Variants in MCTP1 observed in about 807,000 individuals in gnomAD.
The protein encoded by MCTP1 is multiple C2 and transmembrane domain containing 1, also known as multiple C2 and transmembrane domain-containing protein 1.
A neutral mutation model predicts 120.6 loss-of-function variants in MCTP1; 69 were observed. The ratio of observed to expected loss-of-function variants is 0.57; its 90% CI spans 0.47 to 0.70. MCTP1 has a LOEUF of 0.70. Ranked by LOEUF, MCTP1 falls within the 30% of genes least tolerant of loss-of-function variation. MCTP1 has a pLI of 0.00. For synonymous variants in MCTP1, 529 were observed against 493.1 expected (o/e 1.07, Z -0.96); for missense variants, 1,203 against 1,248.8 (o/e 0.96, Z 0.55).
At chr5:95,207,938 A>AGAGAGAGAGAGGGAGAGAGAGG in intron 1 of MCTP1, among the ~76,000 whole-genome samples, 1 of 134,540 alleles carries the variant, frequency 7.4e-6, no homozygotes, top group Admixed American at 8.1e-5. Flanking sequence ...CGAGAGAGAG[A>AGAGAGAGAGAGGGAGAGAGAGG]GAGAGAGAGG....
At position 95,120,902 on chromosome 5, in the gene MCTP1, T is replaced by A. The variant is rs188011652; in HGVS notation, c.721-103418A>T. 1.5e-3 allele frequency among the ~76,000 whole-genome samples: 234 copies of A among 152,302 alleles called. 2 individuals are homozygous for A. The highest frequency in any genetic ancestry group is 5.4e-3 in the African/African-American group (223 of 41,566). On this transcript the variant is annotated intron_variant, in intron 1 of 22. Coordinates refer to ENST00000515393, the MANE Select transcript of MCTP1 (RefSeq NM_024717.7). ...AAGGAAGAAGTCAAATTATCCCTGT[T>A]TGCAGATGATATGATCTTAAATTTG... is the stretch of plus-strand genomic sequence containing the variant.
chr5:94,811,069 C>T (rs1783314829), intron 17 of MCTP1, among the ~76,000 whole-genome samples: 1 of 152,148 alleles, frequency 6.6e-6, no homozygotes, highest in Non-Finnish European at 1.5e-5. Flanking sequence ...TCCCCCAATC[C>T]CTCTGTTCTG....
At chr5:94,826,277 G>T in intron 17 of MCTP1, 1 of 461,174 alleles carries the variant, frequency 2.2e-6, no homozygotes, top group South Asian at 2.3e-5. Context: ...GAACCCCCAT[G>T]CAATATATGG....
At chr5:94,732,783 C>A (rs761140686) in intron 19 of MCTP1, among the ~76,000 whole-genome samples, 7 of 152,180 alleles carry the variant, frequency 4.6e-5, no homozygotes, top group Non-Finnish European at 1.0e-4. Flanking sequence ...AACAGGCTCT[C>A]ACCACACACT....
chr5:95,058,825 C>T (rs1044673093), intron 1 of MCTP1, among the ~76,000 whole-genome samples: 1 of 151,996 alleles, frequency 6.6e-6, no homozygotes, highest in Non-Finnish European at 1.5e-5. Flanking sequence ...ACAAAAAGAG[C>T]GATGATATGC....
intron 19 of MCTP1, among the ~76,000 whole-genome samples, chr5:94,718,730 T>C (rs544339206): frequency 6.6e-6 from 1 of 152,094 alleles, no homozygotes; most frequent in South Asian, 2.1e-4. Context: ...TTATTATTAT[T>C]TTTTTTGACA....
chr5:95,089,169 T>C (rs1755666489), intron 1 of MCTP1, among the ~76,000 whole-genome samples: 2 of 152,216 alleles, frequency 1.3e-5, no homozygotes, highest in Admixed American at 6.5e-5. Context: ...TCTTAGGCGA[T>C]ACATCTGAGG....
chr5:94,832,273 TA>T (rs142471058), intron 17 of MCTP1, among the ~76,000 whole-genome samples: 73,330 of 151,876 alleles, frequency 0.48, 21,247 homozygotes, highest in Non-Finnish European at 0.67. Context: ...TAAGAGAAAA[TA>T]CAATGAGAAG....
At chr5:95,180,648 C>T (rs950120639) in intron 1 of MCTP1, among the ~76,000 whole-genome samples, 2 of 152,034 alleles carry the variant, frequency 1.3e-5, no homozygotes, top group Non-Finnish European at 2.9e-5. Flanking sequence ...CTAGTAACTC[C>T]CTATATGATT....
At chr5:94,719,821 A>C (rs940900806) in intron 19 of MCTP1, among the ~76,000 whole-genome samples, 1 of 152,180 alleles carries the variant, frequency 6.6e-6, no homozygotes. Flanking sequence ...CATGTGTCCC[A>C]GAACTTAAAA....
intron 1 of MCTP1, among the ~76,000 whole-genome samples, chr5:95,129,899 G>A (rs184831871): frequency 3.3e-5 from 5 of 152,180 alleles, no homozygotes; most frequent in South Asian, 2.1e-4. Flanking sequence ...GACCTCAGGC[G>A]ATCCACCTGC....
chr5:94,883,596 A>C (rs1311708102), intron 12 of MCTP1, among the ~76,000 whole-genome samples: 2 of 152,236 alleles, frequency 1.3e-5, no homozygotes, highest in African/African-American at 4.8e-5. Flanking sequence ...TCTTTGAATG[A>C]AATTACGTAG....
intron 19 of MCTP1, among the ~76,000 whole-genome samples, chr5:94,748,298 G>C (rs986739940): frequency 6.6e-6 from 1 of 152,188 alleles, no homozygotes; most frequent in Non-Finnish European, 1.5e-5. Context: ...GTACAGTTAG[G>C]ACTCAGAGCT....
Position 94,950,056 on chromosome 5 carries a change from A to G in MCTP1, c.981+3163T>C, listed in dbSNP as rs559568206. Among the ~76,000 whole-genome samples, 5 of 152,164 alleles carry G rather than the reference A, an allele frequency of 3.3e-5. No individual in the cohort carries two copies. The East Asian group carries it at 7.7e-4, about 23-fold the overall frequency. ...CAAAAAGTTAGAGATTTTCTTTCAA[A>G]AAAAGCCCTAGGCATTTTACAGAAA... On this transcript the variant is annotated intron_variant, in intron 3 of 22. Coordinates refer to ENST00000515393, the MANE Select transcript of MCTP1 (RefSeq NM_024717.7).
chr5:95,268,440 T>A (rs1303223393), intron 1 of MCTP1, among the ~76,000 whole-genome samples: 3 of 152,170 alleles, frequency 2.0e-5, no homozygotes, highest in African/African-American at 7.2e-5. Context: ...AAGACAATAC[T>A]CATGAGCAGA....
At chr5:95,061,639 G>T (rs1023606853) in intron 1 of MCTP1, among the ~76,000 whole-genome samples, 1 of 151,106 alleles carries the variant, frequency 6.6e-6, no homozygotes, top group Non-Finnish European at 1.5e-5. Flanking sequence ...GTTTCACCGT[G>T]TTAGCCGGGA....
At chr5:94,782,136 A>G (rs140693831) in intron 18 of MCTP1, among the ~76,000 whole-genome samples, 1,756 of 152,266 alleles carry the variant, frequency 0.012, 45 homozygotes, top group African/African-American at 0.039. Context: ...ATAATGCATA[A>G]GAGCGCTTAA....
intron 1 of MCTP1, among the ~76,000 whole-genome samples, chr5:95,213,209 T>C (rs1453728096): frequency 6.6e-6 from 1 of 152,166 alleles, no homozygotes; most frequent in Non-Finnish European, 1.5e-5. Flanking sequence ...AGCATTGTTA[T>C]ACACCAGTAA....
At chr5:95,041,014 G>A (rs146069910) in intron 1 of MCTP1, among the ~76,000 whole-genome samples, 107 of 152,220 alleles carry the variant, frequency 7.0e-4, no homozygotes, top group Non-Finnish European at 1.4e-3. Context: ...TATTGAGTTA[G>A]CCTCTGGATT....
Sources: allele counts gnomAD v4.1 joint callset (sites outside exome capture counted in the v4.1 genomes callset), GRCh38; gene constraint gnomAD v4.1.1; transcripts MANE v1.5; gene names NCBI Gene and HGNC (gene_info 2026-07-23, HGNC 2026-07-21).